WSCD1: variants seen among roughly 807,000 people sequenced by gnomAD.
The protein encoded by WSCD1 is sialate:O-sulfotransferase 1.
Under a neutral mutation model 60.4 loss-of-function variants are expected in WSCD1, and 41 were observed. The ratio of observed to expected loss-of-function variants is 0.68; its 90% CI spans 0.53 to 0.88. The LOEUF is 0.88. Ranked by LOEUF, WSCD1 falls within the 40% of genes least tolerant of loss-of-function variation. The probability of loss-of-function intolerance (pLI) is 0.00; values close to 1 mark genes in which losing one functional copy is unlikely to be tolerated. For synonymous variants in WSCD1, 361 were observed against 332.5 expected (o/e 1.09, Z -0.93); for missense variants, 784 against 796.2 (o/e 0.98, Z 0.18).
At chr17:6,105,157 C>T (rs1470688905) in intron 5 of WSCD1, among the ~76,000 whole-genome samples, 3 of 152,210 alleles carry the variant, frequency 2.0e-5, no homozygotes, top group Non-Finnish European at 4.4e-5. Flanking sequence ...CATGACCTTG[C>T]TCTAGGCTGA....
chr17:6,106,120 A>G (rs1026155016), intron 5 of WSCD1, among the ~76,000 whole-genome samples: 6 of 152,256 alleles, frequency 3.9e-5, no homozygotes, highest in Non-Finnish European at 8.8e-5. Context: ...TGAGAATATA[A>G]CAAAGCACAC....
chr17:6,088,928 G>A (rs182887100), intron 3 of WSCD1, among the ~76,000 whole-genome samples: 9 of 152,070 alleles, frequency 5.9e-5, no homozygotes, highest in Admixed American at 3.9e-4. Context: ...GACTACAGGC[G>A]CCCACCACCA....
intron 2 of WSCD1, among the ~76,000 whole-genome samples, chr17:6,083,323 G>T (rs1909398375): frequency 6.6e-6 from 1 of 152,218 alleles, no homozygotes; most frequent in Non-Finnish European, 1.5e-5. Context: ...TTACTGATGA[G>T]CCACCAAATG....
intron 5 of WSCD1, among the ~76,000 whole-genome samples, chr17:6,102,917 G>A (rs1473883812): frequency 1.3e-5 from 2 of 152,038 alleles, no homozygotes; most frequent in South Asian, 2.1e-4. Flanking sequence ...ATTTCATTGG[G>A]CTATATTGGC....
Position 6,118,696 on chromosome 17 carries a change from C to T in WSCD1, c.1375+508C>T, listed in dbSNP as rs1358260758. ...TGGTCAGAGCTCAGCATGTTAATTC[C>T]CTCCTAAGCTGCCTCTTGCTGACTC... On this transcript the variant is annotated intron_variant, in intron 8 of 8. Coordinates refer to ENST00000317744, the MANE Select transcript of WSCD1 (RefSeq NM_015253.2). The surrounding 1 kb of genome is among the most constrained non-coding windows in gnomAD (Gnocchi z 5.8). 6.6e-6 allele frequency among the ~76,000 whole-genome samples: 1 copy of T among 152,182 alleles called. No homozygotes were observed. Among genetic ancestry groups the T allele is most frequent in the Non-Finnish European group, 1.5e-5 (1 of 68,030 alleles).
Position 6,095,146 on chromosome 17 carries a change from A to T in WSCD1, c.772A>T (p.Ile258Phe), listed in dbSNP as rs761438188. ...YRGCFRLPEN[I>F]THAFPSSLIQ... Reference sequence around the variant, plus strand: ...CGGATGCTTCCGACTGCCAGAGAACATCACACATGCCTTCCCCAGCTCCCT... The same window carrying T: ...CGGATGCTTCCGACTGCCAGAGAACTTCACACATGCCTTCCCCAGCTCCCT... The change falls in exon 5 of 9, where the codon ATC becomes TTC. Residue 258 changes from isoleucine to phenylalanine, a missense_variant. By Grantham distance (21) the Ile-to-Phe change is conservative. Coordinates refer to ENST00000317744, the MANE Select transcript of WSCD1 (RefSeq NM_015253.2). The T allele has an allele frequency of 1.9e-6, 3 of 1,613,646 alleles. No individual in the cohort carries two copies. Among genetic ancestry groups the T allele is most frequent in the African/African-American group, 2.7e-5 (2 of 74,924 alleles).
In WSCD1 at chr17:6,075,075, C is replaced by T. The variant is rs1457770217; in HGVS notation, c.-289+4423C>T. On this transcript the variant is annotated intron_variant, in intron 1 of 8. Coordinates refer to ENST00000317744, the MANE Select transcript of WSCD1 (RefSeq NM_015253.2). The surrounding 1 kb of genome is among the most constrained non-coding windows in gnomAD (Gnocchi z 4.1). ...CTGCCAGTCACTGAGGCTGAGGCTTCGAGCTTCTAGGACCCAGATGCCCAT... is the reference window on the plus strand; with the variant it reads ...CTGCCAGTCACTGAGGCTGAGGCTTTGAGCTTCTAGGACCCAGATGCCCAT... Among the ~76,000 whole-genome samples, 2 of 152,126 alleles carry T rather than the reference C, an allele frequency of 1.3e-5. No individual in the cohort carries two copies. The highest frequency in any genetic ancestry group is 2.4e-5 in the African/African-American group (1 of 41,418).
chr17:6,072,921 C>T (rs1908630299), intron 1 of WSCD1, among the ~76,000 whole-genome samples: 1 of 152,178 alleles, frequency 6.6e-6, no homozygotes, highest in South Asian at 2.1e-4. Flanking sequence ...GAAGAATGGG[C>T]TGGATTCATT....
chr17:6,104,137 G>A (rs983746521), intron 5 of WSCD1, among the ~76,000 whole-genome samples: 8 of 152,178 alleles, frequency 5.3e-5, no homozygotes, highest in African/African-American at 1.9e-4. Flanking sequence ...GAGAGATGGA[G>A]CAAGAGATGG....
chr17:6,080,628 G>A lies in WSCD1; in HGVS notation c.-31G>A. ...CCTGGGCGCTAGGAGCCATCCCGGG[G>A]CTCCAGCCAGGAGCCCTGCTGCCCA... On this transcript the variant is annotated 5_prime_UTR_variant, in exon 2 of 9. Transcript: ENST00000317744. The surrounding 1 kb of genome is among the most constrained non-coding windows in gnomAD (Gnocchi z 6.6). The A allele has an allele frequency of 6.2e-7, 1 of 1,609,072 alleles. No individual in the cohort carries two copies.
Position 6,110,675 on chromosome 17 carries a change from G to T in WSCD1, c.1010-96G>T, listed in dbSNP as rs1022354123. ...CTTGGTTCCCCCATCTATTAAATGG[G>T]AGTCTTCGTTCATCAGTTCCTCTAA... On this transcript the variant is annotated intron_variant, in intron 6 of 8. Coordinates refer to ENST00000317744, the MANE Select transcript of WSCD1 (RefSeq NM_015253.2). The surrounding 1 kb of genome is among the most constrained non-coding windows in gnomAD (Gnocchi z 4.8). 1 of 1,441,306 alleles carries T rather than the reference G, an allele frequency of 6.9e-7. No individual in the cohort carries two copies. The allele number at this position is 1,441,306 out of a possible 1,614,324, so 89.3% of individuals were successfully genotyped here. A position where few individuals can be genotyped will look rare whatever the true frequency, so the allele number is the denominator to read the frequency against.
At chr17:6,073,721 G>A (rs1285298857) in intron 1 of WSCD1, among the ~76,000 whole-genome samples, 1 of 152,234 alleles carries the variant, frequency 6.6e-6, no homozygotes, top group Non-Finnish European at 1.5e-5. Flanking sequence ...CTCCAAATCA[G>A]GCACCAGGAA....
At chr17:6,109,288 GC>G (rs1267326524) in intron 5 of WSCD1, among the ~76,000 whole-genome samples, 1 of 152,102 alleles carries the variant, frequency 6.6e-6, no homozygotes, top group African/African-American at 2.4e-5. Flanking sequence ...TCCAGCCTCT[GC>G]CCCCTGCTTT....
At chr17:6,098,939 A>G (rs4796361) in intron 5 of WSCD1, among the ~76,000 whole-genome samples, 15,613 of 151,976 alleles carry the variant, frequency 0.1, 1,184 homozygotes, top group East Asian at 0.23. Flanking sequence ...AAGGGTTGGA[A>G]CTGGAGGATG....
chr17:6,102,905 G>C (rs1321614137), intron 5 of WSCD1, among the ~76,000 whole-genome samples: 1 of 152,104 alleles, frequency 6.6e-6, no homozygotes, highest in Non-Finnish European at 1.5e-5. Context: ...CCATTCATAA[G>C]TATTTCATTG....
At chr17:6,073,628 T>C (rs1196206687) in intron 1 of WSCD1, among the ~76,000 whole-genome samples, 4 of 152,194 alleles carry the variant, frequency 2.6e-5, no homozygotes, top group Non-Finnish European at 5.9e-5. Flanking sequence ...AGACTCCTTC[T>C]TGAAAAATAA....
At chr17:6,099,332 T>A (rs1286722958) in intron 5 of WSCD1, among the ~76,000 whole-genome samples, 3 of 151,864 alleles carry the variant, frequency 2.0e-5, no homozygotes, top group African/African-American at 7.3e-5. Flanking sequence ...CTGGCCAACA[T>A]GGTGAAACAC....
At chr17:6,071,810 G>T (rs898949783) in intron 1 of WSCD1, among the ~76,000 whole-genome samples, 2 of 152,146 alleles carry the variant, frequency 1.3e-5, no homozygotes, top group Admixed American at 6.5e-5. Flanking sequence ...GGTTTCCTTG[G>T]GCTATGGGAG....
Position 6,080,980 on chromosome 17 carries a change from G to T in WSCD1, c.322G>T (p.Glu108Ter). ...CCGCTGGCTCCGGAGCCGCAACTCG[G>T]AGCTGCGTCAGTTGCGTCGCCGCTG... Reference protein sequence around the residue: ...GPRWLRSRNSELRQLRRRWFH... With the variant: ...GPRWLRSRNS Residue 108 changes from glutamate (E) to a stop codon, truncating the protein, a stop_gained, in exon 2 of 9, where the codon GAG becomes TAG. Coordinates refer to ENST00000317744, the MANE Select transcript of WSCD1 (RefSeq NM_015253.2). LOFTEE classifies it high-confidence loss of function. This position sits in a 1 kb window ranked among gnomAD's most constrained non-coding sequence, Gnocchi z 6.6. 2 of 1,550,766 alleles carry T rather than the reference G, an allele frequency of 1.3e-6. No homozygotes were observed. The highest frequency in any genetic ancestry group is 1.7e-6 in the Non-Finnish European group (2 of 1,150,638).
Sources: allele counts gnomAD v4.1 joint callset (sites outside exome capture counted in the v4.1 genomes callset), GRCh38; gene constraint gnomAD v4.1.1; non-coding constraint Gnocchi (gnomAD v3.1); transcripts MANE v1.5; gene names NCBI Gene and HGNC (gene_info 2026-07-23, HGNC 2026-07-21).